The following LUZP1 variants were observed in gnomAD, a reference collection of about 807,000 sequenced individuals.
The protein encoded by LUZP1 is filamin mechanobinding actin cross-linking protein.
Under a neutral mutation model 71.3 loss-of-function variants are expected in LUZP1, and 25 were observed. The ratio of observed to expected loss-of-function variants is 0.35; its 90% CI spans 0.26 to 0.49. The LOEUF is 0.49. Ranked by LOEUF, LUZP1 falls within the 20% of genes least tolerant of loss-of-function variation. The probability of loss-of-function intolerance (pLI) is 0.99; values close to 1 mark genes in which losing one functional copy is unlikely to be tolerated. For synonymous variants in LUZP1, 481 were observed against 506.4 expected (o/e 0.95, Z 0.67); for missense variants, 1,142 against 1,300.8 (o/e 0.88, Z 1.88).
intron 2 of LUZP1, among the ~76,000 whole-genome samples, chr1:23,147,070 CTGGG>C (rs1386394112): frequency 6.6e-6 from 1 of 150,976 alleles, no homozygotes; most frequent in Non-Finnish European, 1.5e-5. Flanking sequence ...GCACTCCAGC[CTGGG>C]TGACAGAGTG....
chr1:23,100,194 G>A (rs1315427518), intron 3 of LUZP1, among the ~76,000 whole-genome samples: 1 of 152,128 alleles, frequency 6.6e-6, no homozygotes, highest in East Asian at 1.9e-4. Flanking sequence ...TAGCACACAG[G>A]GAATGCTGAA....
chr1:23,092,416 G>A, exon 4 of LUZP1: 1 of 1,614,192 alleles, frequency 6.2e-7, no homozygotes, highest in South Asian at 1.1e-5. Flanking sequence ...AATCCCTGAA[G>A]GATGTTCTCT....
At chr1:23,159,890 A>G (rs1476302606) in intron 2 of LUZP1, among the ~76,000 whole-genome samples, 1 of 152,102 alleles carries the variant, frequency 6.6e-6, no homozygotes, top group Admixed American at 6.6e-5. Flanking sequence ...GGAGGCTGAG[A>G]CAGAAGAATC....
At chr1:23,128,599 A>G (rs905126986) in intron 2 of LUZP1, among the ~76,000 whole-genome samples, 1 of 152,216 alleles carries the variant, frequency 6.6e-6, no homozygotes, top group Non-Finnish European at 1.5e-5. Flanking sequence ...CTTAAACTCA[A>G]ATTAGTTTAT....
intron 3 of LUZP1, among the ~76,000 whole-genome samples, chr1:23,101,875 G>C (rs1333477803): frequency 6.6e-6 from 1 of 152,154 alleles, no homozygotes; most frequent in Non-Finnish European, 1.5e-5. Flanking sequence ...GAACACCTAT[G>C]ATGCACCCAG....
intron 2 of LUZP1, among the ~76,000 whole-genome samples, chr1:23,143,141 T>C (rs1644318290): frequency 6.6e-6 from 1 of 152,088 alleles, no homozygotes; most frequent in Non-Finnish European, 1.5e-5. Context: ...CCAGGGTAGC[T>C]GGGATTTCAG....
At chr1:23,090,585 C>T (rs1643836821) in intron 4 of LUZP1, 1 of 485,016 alleles carries the variant, frequency 2.1e-6, no homozygotes, top group South Asian at 3.1e-5. Flanking sequence ...TGAACCAGCC[C>T]TGCCCTCAGA....
At chr1:23,162,865 C>T (rs1344464524) in intron 2 of LUZP1, 3 of 152,034 alleles carry the variant, frequency 2.0e-5, no homozygotes, top group Non-Finnish European at 2.9e-5. Context: ...CATGCAAATA[C>T]GGCAGGTCTT....
chr1:23,176,909 C>G (rs1361062575), intron 1 of LUZP1, among the ~76,000 whole-genome samples: 1 of 152,052 alleles, frequency 6.6e-6, no homozygotes, highest in Non-Finnish European at 1.5e-5. Flanking sequence ...GAGACAGGGT[C>G]TGGCCTCTGT....
At chr1:23,092,393 A>G (rs1167483621) in exon 4 of LUZP1, 1 of 1,613,952 alleles carries the variant, frequency 6.2e-7, no homozygotes, top group Admixed American at 1.7e-5. Context: ...CCCCTTCTTT[A>G]TGTGAGGTTG....
rs148335397 is a variant in LUZP1 at position 23,091,773 on chromosome 1, T to C, written c.2489A>G (p.Glu830Gly). The C allele has an allele frequency of 9.9e-6, 16 of 1,613,988 alleles. No individual in the cohort carries two copies. The highest frequency in any genetic ancestry group is 1.3e-5 in the African/African-American group (1 of 74,928). ...GACATGGTTGCTAACTGATGTGAGCTCTGCCAGCCCCACCTGGATATTGCT... is the reference window on the plus strand; with the variant it reads ...GACATGGTTGCTAACTGATGTGAGCCCTGCCAGCCCCACCTGGATATTGCT... Residue 830 changes from glutamate (E) to glycine (G), a missense_variant, in exon 4 of 5, where the codon GAG (glutamate) becomes GGG (glycine). Glu to Gly is a moderately conservative substitution (Grantham distance 98, BLOSUM62 -2). Transcript: ENST00000302291.
intron 2 of LUZP1, among the ~76,000 whole-genome samples, chr1:23,144,703 A>T (rs1361309671): frequency 6.6e-6 from 1 of 152,160 alleles, no homozygotes; most frequent in Non-Finnish European, 1.5e-5. Context: ...AGAATAAAAA[A>T]CCAAAAGAAG....
chr1:23,135,556 T>C (rs1644246740), intron 2 of LUZP1, among the ~76,000 whole-genome samples: 1 of 152,182 alleles, frequency 6.6e-6, no homozygotes, highest in African/African-American at 2.4e-5. Context: ...GGAACAGGCA[T>C]GGTACTGGAA....
intron 2 of LUZP1, among the ~76,000 whole-genome samples, chr1:23,136,894 G>A (rs1421170332): frequency 6.6e-6 from 1 of 152,198 alleles, no homozygotes; most frequent in African/African-American, 2.4e-5. Flanking sequence ...CTCCAGCCTG[G>A]GCGACAGAGC....
At chr1:23,084,444 A>C (rs528886990) in exon 5 of LUZP1, 3 of 151,938 alleles carry the variant, frequency 2.0e-5, no homozygotes, top group African/African-American at 7.2e-5. Flanking sequence ...TTAAAAGGAT[A>C]CTACCTGTGA....
intron 2 of LUZP1, among the ~76,000 whole-genome samples, chr1:23,117,454 C>CCTCT (rs1185318512): frequency 0.072 from 963 of 13,312 alleles, 110 homozygotes; most frequent in Middle Eastern, 0.18. Context: ...TTTTTTTTTT[C>CCTCT]CTCTCTCTCT....
chr1:23,094,213 G>A lies in LUZP1; in HGVS notation c.49C>T (p.Arg17Trp), dbSNP rs760716379. Reference sequence around the variant, plus strand: ...CGGCTTAGACTCTGTAGCTTAAACCGCAAGTGGCGGCTGGAGGCCGTCTCC... The same window carrying A: ...CGGCTTAGACTCTGTAGCTTAAACCACAAGTGGCGGCTGGAGGCCGTCTCC... Residue 17 changes from arginine (R) to tryptophan (W), a missense_variant, in exon 4 of 5, where the codon CGG becomes TGG. Transcript: ENST00000302291. This position sits in a 1 kb window ranked among gnomAD's most constrained non-coding sequence, Gnocchi z 4.7. 1.7e-5 allele frequency: 27 copies of A among 1,612,162 alleles called. No homozygotes were observed. In the Admixed American group the frequency reaches 1.9e-4, roughly 11 times the overall value.
intron 2 of LUZP1, among the ~76,000 whole-genome samples, chr1:23,120,689 GTTCAAAGCAC>G (rs1644123133): frequency 6.6e-6 from 1 of 152,074 alleles, no homozygotes; most frequent in Non-Finnish European, 1.5e-5. Flanking sequence ...TTATTTCATA[GTTCAAAGCAC>G]TTTCACATCC....
At chr1:23,084,696 G>A (rs1213225800) in exon 5 of LUZP1, 3 of 149,892 alleles carry the variant, frequency 2.0e-5, no homozygotes, top group African/African-American at 7.4e-5. Flanking sequence ...ATATATATTG[G>A]TGATCTGACT....
Sources: gnomAD v4.1 joint callset for allele counts (sites outside exome capture counted in the v4.1 genomes callset) on GRCh38, gnomAD v4.1.1 for gene constraint, Gnocchi (gnomAD v3.1) non-coding constraint, MANE v1.5 for transcripts, NCBI Gene and HGNC (gene_info 2026-07-23, HGNC 2026-07-21) for gene names.